The following IL12RB2 variants were observed in gnomAD, a reference collection of about 807,000 sequenced individuals.
IL12RB2 encodes the protein interleukin-12 receptor subunit beta-2.
Under a neutral mutation model 89.4 loss-of-function variants are expected in IL12RB2, and 82 were observed. That is an observed-to-expected ratio of 0.92 (90% confidence interval 0.77 to 1.10). IL12RB2 has a LOEUF of 1.10. Ranked by LOEUF, IL12RB2 falls within the 50% of genes least tolerant of loss-of-function variation. IL12RB2 has a pLI of 0.00. For missense variants in IL12RB2, 963 were observed against 1,031.9 expected (o/e 0.93, Z 0.92); for synonymous variants, 368 against 370.1 (o/e 0.99, Z 0.07).
rs770206111 is a variant in IL12RB2 at position 67,330,794 on chromosome 1, A to C, written c.942A>C (p.Ala314=). 1 of 1,574,068 alleles carries C rather than the reference A, an allele frequency of 6.4e-7. No homozygotes were observed. Among genetic ancestry groups the C allele is most frequent in the South Asian group, 1.1e-5 (1 of 90,234 alleles). ...SWSDWSESLR[A]QTPEEEPTGM... ...GTGATTGGAGTGAATCATTGAGAGC[A>C]CAAACACCAGAAGAAGGTATATGTC... is the stretch of plus-strand genomic sequence containing the variant. The change falls in exon 8 of 17, where the codon GCA becomes GCC. Residue 314 remains alanine, a synonymous_variant. Coordinates refer to ENST00000674203, the MANE Select transcript of IL12RB2 (RefSeq NM_001374259.2).
At position 67,351,092 on chromosome 1, in the gene IL12RB2, A is replaced by G. The variant is rs2100844586; in HGVS notation, c.1258+3A>G. 6.2e-7 allele frequency: 1 copy of G among 1,612,368 alleles called. No homozygotes were observed. The highest frequency in any genetic ancestry group is 1.1e-5 in the South Asian group (1 of 91,000). On this transcript the variant is annotated splice_donor_region_variant and intron_variant, in intron 10 of 16. Transcript: ENST00000674203. ...CATAATGAACCTGTGTGAGGCAGGT[A>G]AGTTCTAATTTTTCTTTAACATTGC...
At chr1:67,346,249 G>A (rs770835043) in intron 9 of IL12RB2, among the ~76,000 whole-genome samples, 4 of 152,088 alleles carry the variant, frequency 2.6e-5, no homozygotes, top group East Asian at 1.9e-4. Context: ...TAATGAAATC[G>A]TTGTGAAAAG....
intron 13 of IL12RB2, among the ~76,000 whole-genome samples, chr1:67,374,822 A>G (rs1175581936): frequency 8.9e-6 from 1 of 112,486 alleles, no homozygotes; most frequent in African/African-American, 3.5e-5. Context: ...TAAGCCATCT[A>G]CTTTAATAGT....
chr1:67,325,256 G>A (rs1178623659), intron 4 of IL12RB2, among the ~76,000 whole-genome samples: 1 of 152,180 alleles, frequency 6.6e-6, no homozygotes, highest in Non-Finnish European at 1.5e-5. Context: ...GTTTTGTGTT[G>A]TTGTTGTTTT....
At chr1:67,340,370 A>G (rs1047482731) in intron 9 of IL12RB2, among the ~76,000 whole-genome samples, 1 of 152,248 alleles carries the variant, frequency 6.6e-6, no homozygotes, top group Admixed American at 6.5e-5. Flanking sequence ...TTTCCTTTTC[A>G]CGAGCAAGTG....
chr1:67,390,143 C>T lies in IL12RB2; in HGVS notation c.2046+15C>T, dbSNP rs748901795. ...CCATTGCAGAGGTAAGGTACAATTC[C>T]TCTGTGGTCAGTCAGTGGAGTTCTA... On this transcript the variant is annotated intron_variant, in intron 16 of 16. Coordinates refer to ENST00000674203, the MANE Select transcript of IL12RB2 (RefSeq NM_001374259.2). The T allele has an allele frequency of 7.3e-6, 7 of 963,758 alleles. No individual in the cohort carries two copies. The South Asian group carries it at 8.9e-5, about 12-fold the overall frequency. 59.7% of individuals were successfully genotyped at this position (963,758 alleles called of 1,614,324 possible). A position where few individuals can be genotyped will look rare whatever the true frequency, so the allele number is the denominator to read the frequency against.
At chr1:67,337,914 A>G (rs1034897981) in intron 8 of IL12RB2, among the ~76,000 whole-genome samples, 3 of 132,400 alleles carry the variant, frequency 2.3e-5, no homozygotes, top group Admixed American at 1.5e-4. Context: ...AAAAAAAAAA[A>G]AAAGAAAAGA....
At chr1:67,391,379 GTGTGTCTA>G (rs1474158910) in intron 16 of IL12RB2, among the ~76,000 whole-genome samples, 1 of 139,596 alleles carries the variant, frequency 7.2e-6, no homozygotes, top group Non-Finnish European at 1.5e-5. Flanking sequence ...GTGTGTGTGT[GTGTGTCTA>G]TACACACACA....
intron 13 of IL12RB2, among the ~76,000 whole-genome samples, chr1:67,377,080 G>C (rs890962162): frequency 6.6e-6 from 1 of 152,152 alleles, no homozygotes; most frequent in African/African-American, 2.4e-5. Context: ...TATCTGCATG[G>C]GCCTCAACCC....
rs17097330 is a variant in IL12RB2 at position 67,391,839 on chromosome 1, T to G, written c.2046+1711T>G. Among the ~76,000 whole-genome samples, 729 of 152,138 alleles carry G rather than the reference T, an allele frequency of 4.8e-3. 2 individuals carry two copies. Among genetic ancestry groups the G allele is most frequent in the Non-Finnish European group, 8.1e-3 (548 of 68,012 alleles). ...TTTTTATTTTTAGTAGAGATGAGGTTTCACTGTGTTAGCCAGGATGGTCTC... is the reference window on the plus strand; with the variant it reads ...TTTTTATTTTTAGTAGAGATGAGGTGTCACTGTGTTAGCCAGGATGGTCTC... On this transcript the variant is annotated intron_variant, in intron 16 of 16. Transcript: ENST00000674203.
chr1:67,352,204 C>A (rs2100852887), intron 10 of IL12RB2, among the ~76,000 whole-genome samples: 1 of 151,910 alleles, frequency 6.6e-6, no homozygotes, highest in East Asian at 1.9e-4. Context: ...TGCATATAAC[C>A]TTGGGTTGGT....
intron 3 of IL12RB2, 77 bp from the exon 4 acceptor site, chr1:67,321,525 G>A: frequency 1.1e-6 from 1 of 916,306 alleles, no homozygotes; most frequent in Admixed American, 1.7e-5. Context: ...ACCCTGTTTT[G>A]GGGAATTACA....
intron 2 of IL12RB2, among the ~76,000 whole-genome samples, chr1:67,315,588 T>A (rs754651014): frequency 6.6e-6 from 1 of 151,982 alleles, no homozygotes; most frequent in Non-Finnish European, 1.5e-5. Context: ...TGACATTAGA[T>A]TAACAGGAAA....
intron 5 of IL12RB2, among the ~76,000 whole-genome samples, chr1:67,327,665 C>G (rs936795535): frequency 5.3e-5 from 8 of 152,150 alleles, no homozygotes. Flanking sequence ...ATTTCATGAT[C>G]CCATTAAAGA....
chr1:67,342,564 G>A (rs964686828), intron 9 of IL12RB2, among the ~76,000 whole-genome samples: 5 of 151,770 alleles, frequency 3.3e-5, no homozygotes, highest in African/African-American at 7.3e-5. Context: ...GGGGATGTGA[G>A]TAGGGTGTGA....
intron 8 of IL12RB2, among the ~76,000 whole-genome samples, chr1:67,333,804 G>A (rs941431625): frequency 1.3e-5 from 2 of 152,170 alleles, no homozygotes; most frequent in African/African-American, 2.4e-5. Flanking sequence ...CTGAGAACAT[G>A]CACAGGTATT....
rs1437832270 is a variant in IL12RB2 at position 67,328,318 on chromosome 1, G to T, written c.598G>T (p.Val200Phe). 6.2e-7 allele frequency: 1 copy of T among 1,614,140 alleles called. No homozygotes were observed. The change falls in exon 6 of 17, where the codon GTT (valine) becomes TTT (phenylalanine). Residue 200 changes from valine to phenylalanine, a missense_variant. Physicochemically the swap from Val to Phe is conservative, Grantham distance 50. Transcript: ENST00000674203. ...ACCTGAATCCAATTTCACAGCCAAG[G>T]TTACTGCTGTCAATAGTCTTGGAAG... ...ESPESNFTAK[V>F]TAVNSLGSSS... is the part of the protein sequence containing the mutation.
Position 67,397,641 on chromosome 1 carries a change from C to G in IL12RB2, c.*1552C>G, listed in dbSNP as rs541291542. Among the ~76,000 whole-genome samples, 5 of 152,350 alleles carry G rather than the reference C, an allele frequency of 3.3e-5. No individual in the cohort carries two copies. The highest frequency in any genetic ancestry group is 6.5e-5 in the Admixed American group (1 of 15,298). On this transcript the variant is annotated 3_prime_UTR_variant, in exon 17 of 17. Coordinates refer to ENST00000674203, the MANE Select transcript of IL12RB2 (RefSeq NM_001374259.2). ...GCCCATTGCTGCCTCTGTCTCTTCA[C>G]CATAGGCACTTCTGCCAAACTAGTG... is the stretch of plus-strand genomic sequence containing the variant.
At chr1:67,351,875 T>A (rs1420108981) in intron 10 of IL12RB2, among the ~76,000 whole-genome samples, 1 of 152,178 alleles carries the variant, frequency 6.6e-6, no homozygotes. Context: ...ATCCTATTTC[T>A]CAAGATCTGT....
Sources: allele counts gnomAD v4.1 joint callset (sites outside exome capture counted in the v4.1 genomes callset), GRCh38; gene constraint gnomAD v4.1.1; transcripts MANE v1.5; gene names NCBI Gene and HGNC (gene_info 2026-07-23, HGNC 2026-07-21).